The following FOXP1 variants were observed in gnomAD, a reference collection of about 807,000 sequenced individuals.
The protein encoded by FOXP1 is forkhead box protein P1.
Under a neutral mutation model 98.2 loss-of-function variants are expected in FOXP1, and 15 were observed. That is an observed-to-expected ratio of 0.15 (90% CI 0.10 to 0.24). FOXP1 has a LOEUF of 0.24. Ranked by LOEUF, FOXP1 falls within the 10% of genes least tolerant of loss-of-function variation. The pLI, the probability that FOXP1 is intolerant of heterozygous loss-of-function variation, is 1.00. For missense variants in FOXP1, 633 were observed against 848.5 expected (o/e 0.75, Z 3.15); for synonymous variants, 371 against 314.5 (o/e 1.18, Z -1.90).
At chr3:71,389,896 T>C (rs1040196534) in intron 3 of FOXP1, among the ~76,000 whole-genome samples, 12 of 151,640 alleles carry the variant, frequency 7.9e-5, no homozygotes, top group African/African-American at 2.9e-4. Context: ...ATCTGTTTCC[T>C]CAAACCAAGG....
intron 2 of FOXP1, among the ~76,000 whole-genome samples, chr3:71,502,994 A>AG (rs2041516647): frequency 6.7e-6 from 1 of 149,808 alleles, no homozygotes; most frequent in Non-Finnish European, 1.5e-5. Context: ...AAAAAAAAAA[A>AG]ACAAGTAGTA....
chr3:71,521,243 G>A (rs182891551), intron 2 of FOXP1, among the ~76,000 whole-genome samples: 1 of 152,210 alleles, frequency 6.6e-6, no homozygotes, highest in Admixed American at 6.5e-5. Context: ...ATAAGAAGGG[G>A]CCAGGAGGCC....
intron 7 of FOXP1, among the ~76,000 whole-genome samples, chr3:71,074,821 C>T (rs2053626932): frequency 6.6e-6 from 1 of 152,206 alleles, no homozygotes; most frequent in Admixed American, 6.5e-5. Context: ...ACTGGGCTGG[C>T]TGGATGTGGG....
intron 14 of FOXP1, among the ~76,000 whole-genome samples, chr3:70,983,277 A>G (rs2107430228): frequency 6.6e-6 from 1 of 152,202 alleles, no homozygotes; most frequent in South Asian, 2.1e-4. Flanking sequence ...TTCTAGTTGA[A>G]AGGTTGGTGG....
chr3:71,268,017 CAAAA>C (rs377710886), intron 5 of FOXP1, among the ~76,000 whole-genome samples: 2 of 95,010 alleles, frequency 2.1e-5, no homozygotes, highest in Admixed American at 1.2e-4. Flanking sequence ...GACTCCGTCT[CAAAA>C]AAAAAAAAAA....
intron 3 of FOXP1, among the ~76,000 whole-genome samples, chr3:71,418,411 T>C (rs1410224533): frequency 6.6e-6 from 1 of 152,174 alleles, no homozygotes; most frequent in Non-Finnish European, 1.5e-5. Context: ...GCAGCATTTT[T>C]AAAAAATTTT....
intron 2 of FOXP1, among the ~76,000 whole-genome samples, chr3:71,541,816 CAA>C (rs746522758): frequency 2.0e-5 from 3 of 152,142 alleles, no homozygotes; most frequent in Non-Finnish European, 2.9e-5. Context: ...TTATTGCTGT[CAA>C]AAGACTCCTG....
chr3:71,581,901 G>A, intron 1 of FOXP1: 4 of 984,262 alleles, frequency 4.1e-6, no homozygotes, highest in Non-Finnish European at 4.8e-6. Flanking sequence ...CGGGAAATCG[G>A]CCCGAGCCAA....
intron 6 of FOXP1, among the ~76,000 whole-genome samples, chr3:71,158,971 T>C (rs1212964921): frequency 6.6e-6 from 1 of 151,972 alleles, no homozygotes; most frequent in Non-Finnish European, 1.5e-5. Context: ...CTGGGCAAGA[T>C]GGCGCATGCC....
intron 6 of FOXP1, 103 bp downstream of exon 6, chr3:71,198,099 G>A (rs1409626920): frequency 6.2e-7 from 1 of 1,613,690 alleles, no homozygotes; most frequent in Non-Finnish European, 8.5e-7. Context: ...TGGACAGACA[G>A]GTGAACACAA....
At chr3:71,312,185 C>T (rs2074736811) in intron 4 of FOXP1, among the ~76,000 whole-genome samples, 1 of 152,172 alleles carries the variant, frequency 6.6e-6, no homozygotes, top group African/African-American at 2.4e-5. Flanking sequence ...GCTTCTTTCC[C>T]AAAAAGAACG....
chr3:70,988,940 G>A (rs1216906492), intron 13 of FOXP1, among the ~76,000 whole-genome samples: 1 of 152,072 alleles, frequency 6.6e-6, no homozygotes, highest in Admixed American at 6.5e-5. Flanking sequence ...TAGGGAAGAT[G>A]GAGAAGAGAT....
chr3:71,262,535 A>T (rs1341081233), intron 5 of FOXP1, among the ~76,000 whole-genome samples: 1 of 152,154 alleles, frequency 6.6e-6, no homozygotes, highest in Non-Finnish European at 1.5e-5. Context: ...AAAAGAAAAA[A>T]AAAAGTCAGC....
At position 70,958,119 on chromosome 3, in the gene FOXP1, A is replaced by T; in HGVS notation, c.*1128T>A. The T allele has an allele frequency of 2.8e-6, 1 of 355,550 alleles. No individual in the cohort carries two copies. Among genetic ancestry groups the T allele is most frequent in the Non-Finnish European group, 5.2e-6 (1 of 190,970 alleles). The allele number at this position is 355,550 out of a possible 1,614,324, so 22.0% of individuals were successfully genotyped here. A position where few individuals can be genotyped will look rare whatever the true frequency, so the allele number is the denominator to read the frequency against. ...CCATATTGTCAGTCTAATTAATATG[A>T]GCTTTTTTTTTTTTTTCAGTGCTGC... On this transcript the variant is annotated 3_prime_UTR_variant, in exon 21 of 21. Transcript: ENST00000649528.
intron 5 of FOXP1, among the ~76,000 whole-genome samples, chr3:71,212,347 T>TTA (rs1329485528): frequency 2.6e-5 from 4 of 152,166 alleles, no homozygotes; most frequent in Non-Finnish European, 4.4e-5. Flanking sequence ...ATCTTGACCC[T>TTA]TAAGCACTGG....
At chr3:71,224,483 C>G (rs1416639474) in intron 5 of FOXP1, among the ~76,000 whole-genome samples, 1 of 152,104 alleles carries the variant, frequency 6.6e-6, no homozygotes, top group Non-Finnish European at 1.5e-5. Flanking sequence ...GGATACAGGA[C>G]AGTGATTAAG....
intron 3 of FOXP1, among the ~76,000 whole-genome samples, chr3:71,476,657 ATTTTT>A (rs55733297): frequency 7.4e-6 from 1 of 134,478 alleles, no homozygotes; most frequent in Admixed American, 7.4e-5. Flanking sequence ...TGCCCAGCTA[ATTTTT>A]TTTTTTTTTT....
intron 13 of FOXP1, among the ~76,000 whole-genome samples, chr3:70,996,849 T>C (rs1049534634): frequency 5.9e-5 from 9 of 152,210 alleles, no homozygotes; most frequent in African/African-American, 1.7e-4. Flanking sequence ...AACACTTACG[T>C]ACCATGCTGA....
chr3:71,469,675 C>T (rs2089134395), intron 3 of FOXP1, among the ~76,000 whole-genome samples: 1 of 152,110 alleles, frequency 6.6e-6, no homozygotes, highest in African/African-American at 2.4e-5. Flanking sequence ...TGTCCATTTC[C>T]TTGCTGAATG....
Sources: allele counts gnomAD v4.1 joint callset (sites outside exome capture counted in the v4.1 genomes callset), GRCh38; gene constraint gnomAD v4.1.1; transcripts MANE v1.5; gene names NCBI Gene and HGNC (gene_info 2026-07-23, HGNC 2026-07-21).